The following ZFR variants were observed in gnomAD, a reference collection of about 807,000 sequenced individuals.
ZFR encodes zinc finger RNA-binding protein.
Under a neutral mutation model 130.7 loss-of-function variants are expected in ZFR, and 19 were observed. The ratio of observed to expected loss-of-function variants is 0.15; its 90% CI spans 0.10 to 0.21. The LOEUF is 0.21. Ranked by LOEUF, ZFR falls within the 10% of genes least tolerant of loss-of-function variation. The probability of loss-of-function intolerance (pLI) is 1.00; values close to 1 mark genes in which losing one functional copy is unlikely to be tolerated. For missense variants in ZFR, 872 were observed against 1,321.5 expected, an observed-to-expected ratio of 0.66 and a Z score of 5.27; for synonymous variants, 466 against 456.9, an observed-to-expected ratio of 1.02 and a Z score of -0.25.
Position 32,355,915 on chromosome 5 carries a change from G to A in ZFR, c.3070C>T (p.Arg1024Cys). ...AQFALRLLAF[R>C]QIHKVLGMDP... ...ATGCCTAGAACTTTGTGTATCTGGC[G>A]GAATGCAAGGAGTCTCAATGCAAAC... Residue 1024 changes from arginine (R) to cysteine (C), a missense_variant, in exon 20 of 20, where the codon CGC becomes TGC. Coordinates refer to ENST00000265069, the MANE Select transcript of ZFR (RefSeq NM_016107.5). 2 of 1,591,850 alleles carry A rather than the reference G, an allele frequency of 1.3e-6. No homozygotes were observed. The highest frequency in any genetic ancestry group is 2.3e-5 in the East Asian group (1 of 43,650).
chr5:32,371,124 C>T (rs565939833), intron 17 of ZFR, among the ~76,000 whole-genome samples: 19 of 152,278 alleles, frequency 1.2e-4, no homozygotes, highest in Non-Finnish European at 2.2e-4. Flanking sequence ...AATCCCAGCA[C>T]TTCGGAAGAC....
chr5:32,366,154 G>A (rs1195470252), intron 17 of ZFR, among the ~76,000 whole-genome samples: 1 of 152,170 alleles, frequency 6.6e-6, no homozygotes, highest in Non-Finnish European at 1.5e-5. Context: ...ATTTTGGAAA[G>A]AATGTGAGAA....
At chr5:32,381,839 G>A (rs1342631065) in intron 15 of ZFR, among the ~76,000 whole-genome samples, 1 of 152,146 alleles carries the variant, frequency 6.6e-6, no homozygotes, top group Admixed American at 6.5e-5. Flanking sequence ...AATACTAAAA[G>A]AGGAATTTGG....
At chr5:32,395,489 T>G (rs1753282456) in intron 10 of ZFR, among the ~76,000 whole-genome samples, 185 bp from the exon 11 acceptor site, 1 of 152,156 alleles carries the variant, frequency 6.6e-6, no homozygotes, top group Non-Finnish European at 1.5e-5. Context: ...TAATAAAAAT[T>G]ATGTAAAAAG....
intron 5 of ZFR, among the ~76,000 whole-genome samples, chr5:32,411,695 A>C (rs1342350811): frequency 3.0e-5 from 1 of 33,498 alleles, no homozygotes; most frequent in East Asian, 5.4e-4. Flanking sequence ...TCTCAAAAAA[A>C]AAAAAAAAAA....
chr5:32,413,159 A>T (rs1481048461), intron 5 of ZFR, among the ~76,000 whole-genome samples: 5 of 152,094 alleles, frequency 3.3e-5, no homozygotes, highest in Admixed American at 6.5e-5. Flanking sequence ...ACTGCACTCC[A>T]GCCGAGGCGA....
intron 15 of ZFR, among the ~76,000 whole-genome samples, chr5:32,384,087 G>A (rs1285115917): frequency 1.3e-5 from 2 of 152,072 alleles, no homozygotes; most frequent in African/African-American, 4.8e-5. Context: ...TAATAAAATG[G>A]CTTGATACTG....
At chr5:32,430,240 C>T (rs1348681646) in intron 2 of ZFR, among the ~76,000 whole-genome samples, 1 of 151,934 alleles carries the variant, frequency 6.6e-6, no homozygotes, top group Non-Finnish European at 1.5e-5. Context: ...AAGAGATTGT[C>T]AAAACTAAGA....
intron 17 of ZFR, among the ~76,000 whole-genome samples, chr5:32,378,391 G>A (rs1401788512): frequency 1.3e-5 from 2 of 151,970 alleles, no homozygotes; most frequent in African/African-American, 4.8e-5. Context: ...TGATAGCAAG[G>A]CCATGCTTTT....
rs1561913268 is a variant in ZFR at position 32,420,109 on chromosome 5, T to C, written c.138-6A>G. On this transcript the variant is annotated splice_region_variant and splice_polypyrimidine_tract_variant and intron_variant, in intron 2 of 19. Coordinates refer to ENST00000265069, the MANE Select transcript of ZFR (RefSeq NM_016107.5). Reference sequence around the variant, plus strand: ...CACCCGAAGCTGGCTGCTGGCTACATTGTGGAGTACAAGAATAAATATAAT... The same window carrying C: ...CACCCGAAGCTGGCTGCTGGCTACACTGTGGAGTACAAGAATAAATATAAT... The C allele has an allele frequency of 6.4e-7, 1 of 1,555,894 alleles. No individual in the cohort carries two copies. Among genetic ancestry groups the C allele is most frequent in the Non-Finnish European group, 8.7e-7 (1 of 1,146,680 alleles).
intron 11 of ZFR, among the ~76,000 whole-genome samples, chr5:32,393,419 C>T (rs1358539856): frequency 6.6e-6 from 1 of 151,790 alleles, no homozygotes; most frequent in African/African-American, 2.4e-5. Context: ...TCTCGCCTCA[C>T]CGCAACCTCC....
chr5:32,428,160 G>C (rs1754118806), intron 2 of ZFR, among the ~76,000 whole-genome samples: 1 of 152,148 alleles, frequency 6.6e-6, no homozygotes, highest in South Asian at 2.1e-4. Context: ...CAGCGACTCT[G>C]TGTGGCACTG....
intron 5 of ZFR, among the ~76,000 whole-genome samples, chr5:32,412,440 C>A (rs555644629): frequency 2.0e-4 from 30 of 152,166 alleles, no homozygotes; most frequent in Non-Finnish European, 3.2e-4. Flanking sequence ...TACATTAAAG[C>A]AAACTAACAA....
At chr5:32,366,944 T>C (rs1223123247) in intron 17 of ZFR, among the ~76,000 whole-genome samples, 1 of 151,830 alleles carries the variant, frequency 6.6e-6, no homozygotes, top group East Asian at 1.9e-4. Context: ...GCAGTAGTTA[T>C]TCGCAGGCAC....
At chr5:32,360,883 C>T (rs1432350709) in intron 19 of ZFR, among the ~76,000 whole-genome samples, 2 of 152,176 alleles carry the variant, frequency 1.3e-5, no homozygotes, top group East Asian at 3.9e-4. Flanking sequence ...TGAGCCATTG[C>T]TCACTGAACC....
At chr5:32,357,552 C>G (rs1752342362) in intron 19 of ZFR, among the ~76,000 whole-genome samples, 2 of 152,170 alleles carry the variant, frequency 1.3e-5, no homozygotes, top group Non-Finnish European at 2.9e-5. Flanking sequence ...AGGTGTGGGC[C>G]ACCAGGGCCA....
chr5:32,356,038 GT>G, intron 19 of ZFR, 99 bp from the exon 20 acceptor site: 1 of 915,874 alleles, frequency 1.1e-6, no homozygotes. Flanking sequence ...AAAAAAGCAT[GT>G]GTAATGAAAG....
intron 2 of ZFR, among the ~76,000 whole-genome samples, chr5:32,435,400 C>T (rs771143149): frequency 1.3e-5 from 2 of 152,128 alleles, no homozygotes; most frequent in Admixed American, 1.3e-4. Context: ...GTGTGAATTT[C>T]GTAAATGTGG....
intron 19 of ZFR, among the ~76,000 whole-genome samples, chr5:32,362,512 T>G (rs1257995021): frequency 6.6e-6 from 1 of 152,190 alleles, no homozygotes; most frequent in East Asian, 1.9e-4. Flanking sequence ...TGCACTAATT[T>G]ATGTGTGCAT....
Sources: allele counts gnomAD v4.1 joint callset (sites outside exome capture counted in the v4.1 genomes callset), GRCh38; gene constraint gnomAD v4.1.1; transcripts MANE v1.5; gene names NCBI Gene and HGNC (gene_info 2026-07-23, HGNC 2026-07-21).